Variants in CALN1 observed in about 807,000 individuals in gnomAD.
The protein encoded by CALN1 is calcium-binding protein 8.
A neutral mutation model predicts 30.6 loss-of-function variants in CALN1; 17 were observed. That is an observed-to-expected ratio of 0.56 (90% CI 0.38 to 0.83). The LOEUF (loss-of-function observed/expected upper bound fraction) is 0.83. CALN1 is among the 40% of genes least tolerant of loss of function. CALN1 has a pLI of 0.00. For missense variants in CALN1, 291 were observed against 354.9 expected (o/e 0.82, Z 1.45); for synonymous variants, 156 against 131.4 (o/e 1.19, Z -1.28).
the CALN1 span, among the ~76,000 whole-genome samples, chr7:72,457,497 G>T: frequency 6.6e-6 from 1 of 152,100 alleles, no homozygotes; most frequent in East Asian, 1.9e-4. Context: ...TGTTCCTCCA[G>T]CCTGGAATGC....
chr7:72,274,689 A>G (rs1797227155), intron 3 of CALN1, among the ~76,000 whole-genome samples: 1 of 152,170 alleles, frequency 6.6e-6, no homozygotes, highest in Non-Finnish European at 1.5e-5. Flanking sequence ...CTCCTTGGAA[A>G]GAGGCAATGA....
rs545186247 is a variant in CALN1 at position 72,377,961 on chromosome 7, G to A, written c.119+25290C>T. Among the ~76,000 whole-genome samples, 197 of 152,092 alleles carry A rather than the reference G, an allele frequency of 1.3e-3. 2 individuals are homozygous for A. The highest frequency in any genetic ancestry group is 4.5e-3 in the African/African-American group (185 of 41,484). On this transcript the variant is annotated intron_variant, in intron 2 of 6. Coordinates refer to ENST00000395275, the MANE Select transcript of CALN1 (RefSeq NM_031468.4). ...AATATATTGGAGTTTTTCAAAGCCT[G>A]CCCCTCCCCCTGCCCCCATTTCCCC... is the stretch of plus-strand genomic sequence containing the variant.
chr7:71,971,665 A>G (rs1290526837), intron 5 of CALN1, among the ~76,000 whole-genome samples: 1 of 151,848 alleles, frequency 6.6e-6, no homozygotes, highest in Non-Finnish European at 1.5e-5. Flanking sequence ...TGAGAGGCCA[A>G]CGCAGGGGGA....
chr7:72,471,705 G>A, the CALN1 span, among the ~76,000 whole-genome samples: 5,874 of 152,256 alleles, frequency 0.039, 360 homozygotes, highest in African/African-American at 0.13. Context: ...CCCATCAAGC[G>A]GGAAATTCTC....
At chr7:71,860,858 A>G (rs572916267) in intron 5 of CALN1, among the ~76,000 whole-genome samples, 21 of 152,194 alleles carry the variant, frequency 1.4e-4, no homozygotes, top group Non-Finnish European at 2.6e-4. Flanking sequence ...GGGTGGTGCT[A>G]CTCTCACCAA....
intron 3 of CALN1, among the ~76,000 whole-genome samples, chr7:72,193,922 G>T (rs1585134003): frequency 6.6e-6 from 1 of 152,002 alleles, no homozygotes; most frequent in South Asian, 2.1e-4. Flanking sequence ...GGATGCAAAG[G>T]CATAAGAATA....
intron 5 of CALN1, among the ~76,000 whole-genome samples, chr7:71,882,609 C>G (rs1022313733): frequency 2.0e-5 from 3 of 152,176 alleles, no homozygotes; most frequent in Non-Finnish European, 4.4e-5. Context: ...GCTATCCTCT[C>G]AGAGAGGCCT....
At chr7:72,218,672 T>C (rs1049122801) in intron 3 of CALN1, among the ~76,000 whole-genome samples, 2 of 152,114 alleles carry the variant, frequency 1.3e-5, no homozygotes, top group South Asian at 2.1e-4. Flanking sequence ...GTAAACATAA[T>C]TGTCCTTCAA....
intron 5 of CALN1, among the ~76,000 whole-genome samples, chr7:71,861,457 C>A (rs1212457428): frequency 1.3e-5 from 2 of 151,936 alleles, no homozygotes; most frequent in Middle Eastern, 3.2e-3. Flanking sequence ...AGAAAGATCT[C>A]ATAGGTTATC....
intron 5 of CALN1, among the ~76,000 whole-genome samples, chr7:71,964,263 A>C (rs1040903683): frequency 2.4e-4 from 36 of 152,178 alleles, no homozygotes; most frequent in African/African-American, 8.0e-4. Flanking sequence ...GCAGACAGGC[A>C]GGTGTAGGGG....
chr7:72,408,675 C>CTTTTTT (rs534883618), intron 1 of CALN1, among the ~76,000 whole-genome samples: 39,670 of 77,932 alleles, frequency 0.51, 12,532 homozygotes, highest in East Asian at 0.66. Context: ...TTATCTTTTC[C>CTTTTTT]TTTTTTTTTT....
chr7:72,332,408 A>C, intron 2 of CALN1, among the ~76,000 whole-genome samples: 1 of 151,790 alleles, frequency 6.6e-6, no homozygotes, highest in Non-Finnish European at 1.5e-5. Flanking sequence ...GCAACAGTAA[A>C]CTGACATGGC....
At chr7:71,804,547 C>T (rs764217907) in intron 6 of CALN1, among the ~76,000 whole-genome samples, 12 of 152,062 alleles carry the variant, frequency 7.9e-5, no homozygotes, top group South Asian at 4.2e-4. Context: ...CACTGGGTGC[C>T]GTGGCTCATG....
At chr7:72,197,200 T>TTTTTTC (rs1562721672) in intron 3 of CALN1, among the ~76,000 whole-genome samples, 1 of 141,260 alleles carries the variant, frequency 7.1e-6, no homozygotes. Context: ...TTTTTTTTTT[T>TTTTTTC]TTGAGACAGA....
chr7:72,127,445 G>A (rs908219193), intron 3 of CALN1, among the ~76,000 whole-genome samples: 6 of 152,192 alleles, frequency 3.9e-5, no homozygotes, highest in Non-Finnish European at 8.8e-5. Flanking sequence ...CAGAGCAGAG[G>A]AGTCACGGGA....
intron 2 of CALN1, among the ~76,000 whole-genome samples, chr7:72,310,862 C>T (rs1327893136): frequency 1.3e-5 from 2 of 149,624 alleles, no homozygotes; most frequent in Non-Finnish European, 3.0e-5. Context: ...GAGATCACGC[C>T]ACTGCACTCT....
rs560007360 is a variant in CALN1 at position 72,169,396 on chromosome 7, T to A, written c.245-63102A>T. On this transcript the variant is annotated intron_variant, in intron 3 of 6. Transcript: ENST00000395275. ...GTACAGTGGTGTGATCATACCTCACTGCAGCCTCGAGCTCCTGGGGTCAAG... is the reference window on the plus strand; with the variant it reads ...GTACAGTGGTGTGATCATACCTCACAGCAGCCTCGAGCTCCTGGGGTCAAG... 2.5e-4 allele frequency among the ~76,000 whole-genome samples: 38 copies of A among 152,204 alleles called. 1 individual carries two copies. In the South Asian group the frequency reaches 7.9e-3, roughly 32 times the overall value.
chr7:71,892,535 G>C (rs1793302313), intron 5 of CALN1, among the ~76,000 whole-genome samples: 1 of 152,206 alleles, frequency 6.6e-6, no homozygotes, highest in Non-Finnish European at 1.5e-5. Flanking sequence ...CTACTCAGGA[G>C]AATCGCTTGA....
At chr7:72,182,884 G>T (rs1486470382) in intron 3 of CALN1, among the ~76,000 whole-genome samples, 1 of 152,138 alleles carries the variant, frequency 6.6e-6, no homozygotes, top group African/African-American at 2.4e-5. Flanking sequence ...TGTGTGGCCG[G>T]AAGACAGAAT....
Sources: allele counts gnomAD v4.1 joint callset (sites outside exome capture counted in the v4.1 genomes callset), GRCh38; gene constraint gnomAD v4.1.1; transcripts MANE v1.5; gene names NCBI Gene and HGNC (gene_info 2026-07-23, HGNC 2026-07-21).